MYCBP2: variants seen among roughly 807,000 people sequenced by gnomAD.
MYCBP2 encodes the protein MYC binding protein 2.
A neutral mutation model predicts 525.3 loss-of-function variants in MYCBP2; 120 were observed. The observed-to-expected ratio is 0.23, with a 90% CI of 0.20 to 0.27. The LOEUF (loss-of-function observed/expected upper bound fraction) is 0.27, where lower values mean the gene tolerates loss of function less well. Ranked by LOEUF, MYCBP2 falls within the 10% of genes least tolerant of loss-of-function variation. The probability of loss-of-function intolerance (pLI) is 1.00; values close to 1 mark genes in which losing one functional copy is unlikely to be tolerated. For synonymous variants in MYCBP2, 1,894 were observed against 1,955.8 expected, an observed-to-expected ratio of 0.97 and a Z score of 0.83; for missense variants, 4,149 against 5,657.1, an observed-to-expected ratio of 0.73 and a Z score of 8.55.
intron 36 of MYCBP2, among the ~76,000 whole-genome samples, chr13:77,174,725 C>T (rs1466758568): frequency 6.7e-6 from 1 of 149,652 alleles, no homozygotes; most frequent in Non-Finnish European, 1.5e-5. Context: ...CTTAAAATGA[C>T]CTCATAAGGT....
chr13:77,280,170 C>T (rs1343318157), intron 3 of MYCBP2, among the ~76,000 whole-genome samples: 3 of 152,186 alleles, frequency 2.0e-5, no homozygotes, highest in South Asian at 4.1e-4. Context: ...TTAACATTTA[C>T]AAGTTTTCTG....
chr13:77,302,108 A>G (rs924153395), intron 1 of MYCBP2, among the ~76,000 whole-genome samples: 2 of 152,158 alleles, frequency 1.3e-5, no homozygotes, highest in African/African-American at 2.4e-5. Flanking sequence ...TCCCAGAAAG[A>G]GAGAAAAAAG....
At chr13:77,176,856 A>C (rs1417939246) in intron 35 of MYCBP2, among the ~76,000 whole-genome samples, 1 of 152,180 alleles carries the variant, frequency 6.6e-6, no homozygotes, top group Admixed American at 6.5e-5. Context: ...CTGATGACTT[A>C]AACTATTTCT....
chr13:77,237,775 G>C (rs1028832246), intron 17 of MYCBP2, among the ~76,000 whole-genome samples: 1 of 151,772 alleles, frequency 6.6e-6, no homozygotes, highest in Non-Finnish European at 1.5e-5. Context: ...TTCTACTAAT[G>C]GTTCTCTTTG....
intron 1 of MYCBP2, among the ~76,000 whole-genome samples, chr13:77,307,454 C>T (rs1186456413): frequency 6.6e-6 from 1 of 150,454 alleles, no homozygotes; most frequent in Non-Finnish European, 1.5e-5. Context: ...AGCAAGACCC[C>T]GTCTCTATTA....
At chr13:77,090,032 T>G in intron 60 of MYCBP2, 74 bp downstream of exon 60, 1 of 1,295,900 alleles carries the variant, frequency 7.7e-7, no homozygotes. Context: ...TTTTAAAAAT[T>G]ATATGCAAAT....
chr13:77,067,440 C>G, intron 71 of MYCBP2, 141 bp downstream of exon 71: 1 of 799,172 alleles, frequency 1.3e-6, no homozygotes, highest in Non-Finnish European at 2.0e-6. Context: ...ATATACATGA[C>G]CTTTTTAGAT....
At chr13:77,153,394 G>A (rs921199832) in intron 46 of MYCBP2, among the ~76,000 whole-genome samples, 3 of 152,204 alleles carry the variant, frequency 2.0e-5, no homozygotes, top group African/African-American at 7.2e-5. Flanking sequence ...TCAAGTAAAT[G>A]AGCCACACGA....
chr13:77,278,343 C>T (rs992233180), intron 4 of MYCBP2, among the ~76,000 whole-genome samples: 2 of 152,118 alleles, frequency 1.3e-5, no homozygotes, highest in Admixed American at 6.6e-5. Flanking sequence ...GTTTTGTTTG[C>T]CCCCCGCTTC....
intron 1 of MYCBP2, among the ~76,000 whole-genome samples, chr13:77,305,123 C>G (rs868463765): frequency 2.6e-5 from 4 of 152,018 alleles, no homozygotes; most frequent in South Asian, 2.1e-4. Context: ...ATGTTAGACT[C>G]TTTTAGACAA....
chr13:77,294,665 CA>C (rs2077980361), intron 2 of MYCBP2, among the ~76,000 whole-genome samples: 1 of 152,032 alleles, frequency 6.6e-6, no homozygotes, highest in Non-Finnish European at 1.5e-5. Flanking sequence ...CACATAGCAC[CA>C]AAAAGTTGAA....
rs1000610413 is a variant in MYCBP2, at chr13:77,044,744, C to T, written c.*634G>A. 2.5e-6 allele frequency: 1 copy of T among 398,676 alleles called. No individual in the cohort carries two copies. The highest frequency in any genetic ancestry group is 2.1e-5 in the African/African-American group (1 of 48,602). The allele number at this position is 398,676 out of a possible 1,614,324, so 24.7% of individuals were successfully genotyped here. Reference sequence around the variant, plus strand: ...TACAGCTGCAAGATAATGAGGCACACTCAGTATTGCACTTCATTAAAATTT... The same window carrying T: ...TACAGCTGCAAGATAATGAGGCACATTCAGTATTGCACTTCATTAAAATTT... On this transcript the variant is annotated 3_prime_UTR_variant, in exon 83 of 83. Coordinates refer to ENST00000544440, the MANE Select transcript of MYCBP2 (RefSeq NM_015057.5).
intron 15 of MYCBP2, among the ~76,000 whole-genome samples, chr13:77,245,109 A>C (rs1476009601): frequency 1.3e-5 from 2 of 152,162 alleles, no homozygotes; most frequent in Non-Finnish European, 2.9e-5. Flanking sequence ...GACACAACAG[A>C]TTCTGGAGAG....
chr13:77,213,636 A>G (rs1011110045), intron 21 of MYCBP2, among the ~76,000 whole-genome samples: 25 of 152,218 alleles, frequency 1.6e-4, no homozygotes, highest in African/African-American at 5.8e-4. Flanking sequence ...CAGTCCAAAA[A>G]TGTGTTAGAT....
Position 77,270,475 on chromosome 13 carries a change from T to C in MYCBP2, c.1009A>G (p.Ile337Val). 1 of 1,613,762 alleles carries C rather than the reference T, an allele frequency of 6.2e-7. No individual in the cohort carries two copies. Among genetic ancestry groups the C allele is most frequent in the South Asian group, 1.1e-5 (1 of 91,070 alleles). Reference protein sequence around the residue: ...VQAVLVGKIQIQDWFSNGIKK... With the variant: ...VQAVLVGKIQVQDWFSNGIKK... ...ATGCCATTACTAAACCAGTCCTGAA[T>C]TTGAATTTTTCCCACCAAAACTGCT... is the stretch of plus-strand genomic sequence containing the variant. The change falls in exon 6 of 83, where the codon ATT (isoleucine) becomes GTT (valine). Residue 337 changes from isoleucine (I) to valine (V), a missense_variant. Physicochemically the swap from Ile to Val is conservative, Grantham distance 29. Around this residue, in one of 21 missense-constraint regions of MYCBP2, gnomAD observed 413 missense variants for 451.2 expected, o/e 0.92. Coordinates refer to ENST00000544440, the MANE Select transcript of MYCBP2 (RefSeq NM_015057.5).
intron 1 of MYCBP2, among the ~76,000 whole-genome samples, chr13:77,298,279 G>A (rs970774650): frequency 1.3e-5 from 2 of 152,076 alleles, no homozygotes; most frequent in Non-Finnish European, 2.9e-5. Context: ...ACTTATCTTC[G>A]AGGTCTCAGC....
intron 55 of MYCBP2, among the ~76,000 whole-genome samples, chr13:77,105,109 A>C (rs867753406): frequency 6.6e-5 from 10 of 152,226 alleles, no homozygotes; most frequent in African/African-American, 2.2e-4. Context: ...GGGGGAATCC[A>C]ACCTGCCAAT....
chr13:77,266,696 C>CATTATT (rs57489746), intron 8 of MYCBP2, among the ~76,000 whole-genome samples: 6 of 121,828 alleles, frequency 4.9e-5, no homozygotes, highest in African/African-American at 1.2e-4. Context: ...ATATTATTGT[C>CATTATT]ATTATTATTA....
At position 77,231,380 on chromosome 13, in the gene MYCBP2, G is replaced by A. The variant is rs113160061; in HGVS notation, c.2737+1776C>T. 5.2e-3 allele frequency among the ~76,000 whole-genome samples: 788 copies of A among 152,284 alleles called. 6 individuals are homozygous for A. Among genetic ancestry groups the A allele is most frequent in the African/African-American group, 0.018 (735 of 41,546 alleles). ...TGAGTACCTGGGATTACAGGCATGT[G>A]CCACCACACTGGGCTTATTATTGTT... On this transcript the variant is annotated intron_variant, in intron 18 of 82. Coordinates refer to ENST00000544440, the MANE Select transcript of MYCBP2 (RefSeq NM_015057.5).
Sources: allele counts gnomAD v4.1 joint callset (sites outside exome capture counted in the v4.1 genomes callset), GRCh38; gene constraint gnomAD v4.1.1; regional missense constraint gnomAD v4.1.1; transcripts MANE v1.5; gene names NCBI Gene and HGNC (gene_info 2026-07-23, HGNC 2026-07-21).